The following CCT6A variants were observed in gnomAD, a reference collection of about 807,000 sequenced individuals.
The protein encoded by CCT6A is T-complex protein 1 subunit zeta.
A neutral mutation model predicts 58.6 loss-of-function variants in CCT6A; 6 were observed. The observed-to-expected ratio is 0.10, with a 90% CI of 0.06 to 0.20. The LOEUF (loss-of-function observed/expected upper bound fraction) is 0.20. Ranked by LOEUF, CCT6A falls within the 10% of genes least tolerant of loss-of-function variation. The probability of loss-of-function intolerance (pLI) is 1.00; values close to 1 mark genes in which losing one functional copy is unlikely to be tolerated. For synonymous variants in CCT6A, 245 were observed against 227.8 expected, an observed-to-expected ratio of 1.08 and a Z score of -0.68; for missense variants, 516 against 648.8, an observed-to-expected ratio of 0.80 and a Z score of 2.22.
In CCT6A at chr7:56,063,468, T is replaced by A. The variant is rs1469490065; in HGVS notation, c.*383T>A. On this transcript the variant is annotated 3_prime_UTR_variant, in exon 14 of 14. Coordinates refer to ENST00000275603, the MANE Select transcript of CCT6A (RefSeq NM_001762.4). ...ATCCAACTACCCTATTGTTAAGCAT[T>A]TGGTTTTAAAATTTTTATGCTAATA... is the stretch of plus-strand genomic sequence containing the variant. The A allele has an allele frequency of 1.6e-5, 3 of 189,098 alleles. No homozygotes were observed. The highest frequency in any genetic ancestry group is 7.2e-5 in the African/African-American group (3 of 41,896). 11.7% of individuals were successfully genotyped at this position (189,098 alleles called of 1,614,324 possible). A position where few individuals can be genotyped will look rare whatever the true frequency, so the allele number is the denominator to read the frequency against.
chr7:56,055,843 G>A (rs1161228763), intron 4 of CCT6A, 46 bp downstream of exon 4: 1 of 1,344,884 alleles, frequency 7.4e-7, no homozygotes, highest in Non-Finnish European at 1.0e-6. Flanking sequence ...TACCTATATA[G>A]AAAATCTCTG....
Position 56,063,225 on chromosome 7 carries a change from TTGA to T in CCT6A, c.*141_*143del, listed in dbSNP as rs1794513444. 1.5e-6 allele frequency: 1 copy of T among 662,320 alleles called. No individual in the cohort carries two copies. Among genetic ancestry groups the T allele is most frequent in the Non-Finnish European group, 2.7e-6 (1 of 372,660 alleles). 41.0% of individuals were successfully genotyped at this position (662,320 alleles called of 1,614,324 possible). A position where few individuals can be genotyped will look rare whatever the true frequency, so the allele number is the denominator to read the frequency against. On this transcript the variant is annotated 3_prime_UTR_variant, in exon 14 of 14. Transcript: ENST00000275603. ...AAAAAGGAGAGAACACTGGCATCTG[TTGA>T]AATTTGGAAGTTCTGAAATTATAGT...
At position 56,051,863 on chromosome 7, in the gene CCT6A, G is replaced by C; in HGVS notation, c.15G>C (p.Lys5Asn). The C allele has an allele frequency of 6.4e-7, 1 of 1,561,312 alleles. No individual in the cohort carries two copies. Among genetic ancestry groups the C allele is most frequent in the Non-Finnish European group, 8.7e-7 (1 of 1,153,480 alleles). The change falls in exon 1 of 14, where the codon AAG becomes AAC. Residue 5 changes from lysine (K) to asparagine (N), a missense_variant. Physicochemically the swap from Lys to Asn is moderately conservative, Grantham distance 94. Around this residue, in one of 3 missense-constraint regions of CCT6A, gnomAD observed 116 missense variants for 184.5 expected, o/e 0.63. Transcript: ENST00000275603. ...CTGGAGCAGCTATGGCGGCGGTGAA[G>C]ACCCTGAACCCCAAGGCCGAGGTGG... is the stretch of plus-strand genomic sequence containing the variant. MAAV[K>N]TLNPKAEVAR...
Position 56,061,661 on chromosome 7 carries a change from CTTTTTTCTTTTTT to C in CCT6A, c.1348-79_1348-67del, listed in dbSNP as rs1428545731. ...TGCACCAGGCCGAGATTTTCTTTTT[CTTTTTTCTTTTTT>C]TTTTTTTTTTTTTTTTTTTTACTAT... On this transcript the variant is annotated intron_variant, in intron 11 of 13. Transcript: ENST00000275603. 5.2e-5 allele frequency: 31 copies of C among 591,624 alleles called. No individual in the cohort carries two copies. In the African/African-American group the frequency reaches 8.0e-4, roughly 15 times the overall value. 36.6% of individuals were successfully genotyped at this position (591,624 alleles called of 1,614,324 possible). A position where few individuals can be genotyped will look rare whatever the true frequency, so the allele number is the denominator to read the frequency against.
In CCT6A at chr7:56,056,372, T is replaced by C; in HGVS notation, c.572T>C (p.Ile191Thr). The change falls in exon 5 of 14, where the codon ATT (isoleucine) becomes ACT (threonine). Residue 191 changes from isoleucine (I) to threonine (T), a missense_variant. By Grantham distance (89) the Ile-to-Thr change is moderately conservative. Around this residue, in one of 3 missense-constraint regions of CCT6A, gnomAD observed 85 missense variants for 74.9 expected, o/e 1.13. Coordinates refer to ENST00000275603, the MANE Select transcript of CCT6A (RefSeq NM_001762.4). ...GATGAACCTATTGATCTCTTCATGATTGAGATCATGGAGATGAAACATAAA... is the reference window on the plus strand; with the variant it reads ...GATGAACCTATTGATCTCTTCATGACTGAGATCATGGAGATGAAACATAAA... The part of the protein sequence containing the change: ...KQDEPIDLFM[I>T]EIMEMKHKSE... 1.3e-6 allele frequency: 2 copies of C among 1,597,012 alleles called. No individual in the cohort carries two copies. The highest frequency in any genetic ancestry group is 8.6e-7 in the Non-Finnish European group (1 of 1,164,340).
rs780593224 is a variant in CCT6A, at chr7:56,056,335, A to G, written c.535A>G (p.Ile179Val). The change falls in exon 5 of 14, where the codon ATT becomes GTT. Residue 179 changes from isoleucine to valine, a missense_variant. Around this residue, in one of 3 missense-constraint regions of CCT6A, gnomAD observed 85 missense variants for 74.9 expected, o/e 1.13. Transcript: ENST00000275603. ...TEAVVDSILAIKKQDEPIDLF... is the reference protein window; with the variant it reads ...TEAVVDSILAVKKQDEPIDLF... ...GGCTGTAGTGGACTCCATTTTGGCC[A>G]TTAAAAAGCAAGATGAACCTATTGA... 2.1e-5 allele frequency: 33 copies of G among 1,593,332 alleles called. No homozygotes were observed. Among genetic ancestry groups the G allele is most frequent in the Non-Finnish European group, 2.6e-6 (3 of 1,161,056 alleles).
At position 56,063,475 on chromosome 7, in the gene CCT6A, T is replaced by C. The variant is rs1360080636; in HGVS notation, c.*390T>C. On this transcript the variant is annotated 3_prime_UTR_variant, in exon 14 of 14. Coordinates refer to ENST00000275603, the MANE Select transcript of CCT6A (RefSeq NM_001762.4). The stretch of plus-strand genomic sequence containing the variant: ...TACCCTATTGTTAAGCATTTGGTTT[T>C]AAAATTTTTATGCTAATATAAATGC... 5.4e-6 allele frequency: 1 copy of C among 185,342 alleles called. No homozygotes were observed. Among genetic ancestry groups the C allele is most frequent in the African/African-American group, 2.4e-5 (1 of 41,814 alleles). The allele number at this position is 185,342 out of a possible 1,614,324, so 11.5% of individuals were successfully genotyped here. A position where few individuals can be genotyped will look rare whatever the true frequency, so the allele number is the denominator to read the frequency against.
In CCT6A at chr7:56,063,152, A is replaced by G. The variant is rs1169895460; in HGVS notation, c.*67A>G. On this transcript the variant is annotated 3_prime_UTR_variant, in exon 14 of 14. Coordinates refer to ENST00000275603, the MANE Select transcript of CCT6A (RefSeq NM_001762.4). ...TGATCCTGAGGATTACAGCTGTGGA[A>G]TTTTTGTCCAAGCTTCAAATAATTT... 7.1e-5 allele frequency: 78 copies of G among 1,099,976 alleles called. No individual in the cohort carries two copies. The East Asian group carries it at 1.8e-3, about 25-fold the overall frequency. The allele number at this position is 1,099,976 out of a possible 1,614,324, so 68.1% of individuals were successfully genotyped here. A position where few individuals can be genotyped will look rare whatever the true frequency, so the allele number is the denominator to read the frequency against.
At chr7:56,057,911 C>G in intron 5 of CCT6A, 82 bp from the exon 6 acceptor site, 1 of 785,268 alleles carries the variant, frequency 1.3e-6, no homozygotes, top group Non-Finnish European at 2.2e-6. Context: ...CGTGAAATAT[C>G]AATACCTTCT....
In CCT6A at chr7:56,058,045, A is replaced by G. The variant is rs776282473; in HGVS notation, c.667A>G (p.Lys223Glu). The G allele has an allele frequency of 6.2e-6, 10 of 1,612,682 alleles. No homozygotes were observed. In the African/African-American group the frequency reaches 1.1e-4, roughly 17 times the overall value. Reference sequence around the variant, plus strand: ...CGGAGCACGGCATCCTGATATGAAGAAAAGGGTGGAGGATGCATACATCCT... The same window carrying G: ...CGGAGCACGGCATCCTGATATGAAGGAAAGGGTGGAGGATGCATACATCCT... ...DHGARHPDMK[K>E]RVEDAYILTC... Residue 223 changes from lysine (K) to glutamate (E), a missense_variant, in exon 6 of 14, where the codon AAA becomes GAA. Transcript: ENST00000275603.
chr7:56,056,267 C>CT (rs1246761672), intron 4 of CCT6A, 44 bp from the exon 5 acceptor site: 1 of 983,768 alleles, frequency 1.0e-6, no homozygotes, highest in South Asian at 1.3e-5. Flanking sequence ...CATGTTTCTG[C>CT]TGCAAATTGA....
intron 2 of CCT6A, among the ~76,000 whole-genome samples, chr7:56,054,047 C>G (rs1316206078): frequency 3.9e-5 from 6 of 152,186 alleles, no homozygotes; most frequent in African/African-American, 1.2e-4. Context: ...CACTAGAGCT[C>G]TACACTTGCC....
At chr7:56,055,515 T>G (rs1794287243) in intron 3 of CCT6A, 109 bp from the exon 4 acceptor site, 2 of 909,014 alleles carry the variant, frequency 2.2e-6, no homozygotes, top group African/African-American at 1.7e-5. Flanking sequence ...TTACCTCGTG[T>G]TCAAAGGTAT....
chr7:56,059,097 G>C (rs1408392880), intron 8 of CCT6A: 2 of 168,410 alleles, frequency 1.2e-5, no homozygotes, highest in African/African-American at 4.8e-5. Context: ...ACCACTTCCT[G>C]GGTTCATAGG....
At chr7:56,062,555 T>C in intron 12 of CCT6A, 128 bp from the exon 13 acceptor site, 1 of 801,512 alleles carries the variant, frequency 1.2e-6, no homozygotes, top group Non-Finnish European at 2.1e-6. Flanking sequence ...AAAATTGGGC[T>C]AACAGAGAAG....
chr7:56,058,382 T>A lies in CCT6A; in HGVS notation c.746T>A (p.Phe249Tyr). The A allele has an allele frequency of 6.3e-7, 1 of 1,576,060 alleles. No homozygotes were observed. Among genetic ancestry groups the A allele is most frequent in the Non-Finnish European group, 8.5e-7 (1 of 1,169,854 alleles). Residue 249 changes from phenylalanine to tyrosine, a missense_variant, in exon 7 of 14, where the codon TTT becomes TAT. Around this residue, in one of 3 missense-constraint regions of CCT6A, gnomAD observed 315 missense variants for 389.4 expected, o/e 0.81. Transcript: ENST00000275603. ...YEKTEVNSGFFYKSAEEREKL... is the reference protein window; with the variant it reads ...YEKTEVNSGFYYKSAEEREKL... ...AATAGAGAAGTGAATTCTGGCTTTTTTTACAAGAGTGCAGAAGAGAGAGAA... is the reference window on the plus strand; with the variant it reads ...AATAGAGAAGTGAATTCTGGCTTTTATTACAAGAGTGCAGAAGAGAGAGAA...
chr7:56,062,006 T>C, intron 12 of CCT6A, 157 bp downstream of exon 12: 1 of 490,172 alleles, frequency 2.0e-6, no homozygotes, highest in Non-Finnish European at 3.7e-6. Context: ...TAATAAAAAA[T>C]GGAATGACTA....
intron 8 of CCT6A, chr7:56,059,137 CG>C (rs1794378150): frequency 5.5e-6 from 1 of 183,096 alleles, no homozygotes; most frequent in Admixed American, 5.6e-5. Context: ...GTTGGGATTA[CG>C]GGTGTCTGCC....
At position 56,055,773 on chromosome 7, in the gene CCT6A, T is replaced by C. The variant is rs1794291657; in HGVS notation, c.486T>C (p.Ala162=). The C allele has an allele frequency of 1.2e-6, 2 of 1,613,708 alleles. No homozygotes were observed. Among genetic ancestry groups the C allele is most frequent in the Non-Finnish European group, 1.7e-6 (2 of 1,179,668 alleles). The change falls in exon 4 of 14, where the codon GCT becomes GCC. Residue 162 remains alanine, a synonymous_variant. Transcript: ENST00000275603. ...CATCTCTTCGTACTAAAGTTCATGC[T>C]GAACTTGCAGATGTCTTAACAGAGG... ...ARTSLRTKVH[A]ELADVLTEAV...
Sources: allele counts gnomAD v4.1 joint callset (sites outside exome capture counted in the v4.1 genomes callset), GRCh38; gene constraint gnomAD v4.1.1; regional missense constraint gnomAD v4.1.1; transcripts MANE v1.5; gene names NCBI Gene and HGNC (gene_info 2026-07-23, HGNC 2026-07-21).